CLDN16: variants seen among roughly 807,000 people sequenced by gnomAD.
The protein encoded by CLDN16 is claudin 16, also known as claudin-16.
A neutral mutation model predicts 24.6 loss-of-function variants in CLDN16; 13 were observed. The observed-to-expected ratio is 0.53, with a 90% confidence interval of 0.34 to 0.84. CLDN16 has a LOEUF of 0.84. Ranked by LOEUF, CLDN16 falls within the 40% of genes least tolerant of loss-of-function variation. The pLI, the probability that CLDN16 is intolerant of heterozygous loss-of-function variation, is 0.01. For missense variants in CLDN16, 298 were observed against 292.7 expected, an observed-to-expected ratio of 1.02 and a Z score of -0.13; for synonymous variants, 116 against 106.7, an observed-to-expected ratio of 1.09 and a Z score of -0.54.
chr3:190,339,360 C>A (rs1246607604), intron 1 of CLDN16, among the ~76,000 whole-genome samples: 2 of 152,140 alleles, frequency 1.3e-5, no homozygotes, highest in Non-Finnish European at 2.9e-5. Flanking sequence ...CCTGTGTATA[C>A]ATTATTCTTC....
At chr3:190,403,742 G>A (rs948479411) in intron 2 of CLDN16, among the ~76,000 whole-genome samples, 2 of 152,000 alleles carry the variant, frequency 1.3e-5, no homozygotes, top group African/African-American at 2.4e-5. Flanking sequence ...TAGTTCATAA[G>A]GTCTTTGTTT....
intron 2 of CLDN16, among the ~76,000 whole-genome samples, chr3:190,404,517 C>T (rs1273042385): frequency 4.6e-5 from 7 of 152,182 alleles, no homozygotes; most frequent in African/African-American, 9.7e-5. Flanking sequence ...ATGCTCTCTG[C>T]TAGCATACCA....
intron 3 of CLDN16, among the ~76,000 whole-genome samples, chr3:190,406,404 C>T (rs1277802391): frequency 3.3e-5 from 5 of 152,050 alleles, no homozygotes; most frequent in South Asian, 2.1e-4. Context: ...TAATTATTTA[C>T]GGCTATATAA....
At chr3:190,363,015 AT>A (rs1717934248) in intron 1 of CLDN16, among the ~76,000 whole-genome samples, 1 of 151,946 alleles carries the variant, frequency 6.6e-6, no homozygotes, top group East Asian at 1.9e-4. Context: ...AAATTCAAAA[AT>A]TTTTTCAAGC....
intron 2 of CLDN16, among the ~76,000 whole-genome samples, chr3:190,403,256 C>A (rs990678887): frequency 1.3e-4 from 19 of 151,796 alleles, no homozygotes; most frequent in African/African-American, 4.4e-4. Flanking sequence ...CACTTGAACC[C>A]AGAAGGCAGA....
At chr3:190,371,017 TATATA>T (rs1421874256) in intron 2 of CLDN16, 18 of 1,400 alleles carry the variant, frequency 0.013, no homozygotes, top group African/African-American at 0.043. Context: ...TTAATACCTT[TATATA>T]TATATATATA....
chr3:190,311,136 G>A, the CLDN16 span, among the ~76,000 whole-genome samples: 1 of 152,152 alleles, frequency 6.6e-6, no homozygotes, highest in Non-Finnish European at 1.5e-5. Context: ...AATAGACCAT[G>A]CGAATGGTCT....
Position 190,375,727 on chromosome 3 carries a change from G to A in CLDN16, n.306+1124G>A, listed in dbSNP as rs139557971. ...CCCCTCTATCCAGCGAGGTTTTTGT[G>A]GGTTAATGCAAAATGAGTGCCTCAC... is the stretch of plus-strand genomic sequence containing the variant. On this transcript the variant is annotated intron_variant and non_coding_transcript_variant, in intron 3 of 4. Transcript: ENST00000468220. Among the ~76,000 whole-genome samples the A allele has an allele frequency of 5.3e-5, 8 of 151,938 alleles. No individual in the cohort carries two copies. In the East Asian group the frequency reaches 1.4e-3, roughly 26 times the overall value.
chr3:190,397,899 C>A (rs1159421999), intron 1 of CLDN16, among the ~76,000 whole-genome samples: 1 of 152,208 alleles, frequency 6.6e-6, no homozygotes, highest in Non-Finnish European at 1.5e-5. Flanking sequence ...TGGAAATACT[C>A]TTATTTGTGT....
chr3:190,331,371 A>G (rs1176816483), intron 1 of CLDN16, among the ~76,000 whole-genome samples: 1 of 152,152 alleles, frequency 6.6e-6, no homozygotes, highest in Non-Finnish European at 1.5e-5. Context: ...CTTGTTTATT[A>G]TTTGCTACAG....
At chr3:190,338,460 G>T (rs1306999677) in intron 1 of CLDN16, among the ~76,000 whole-genome samples, 1 of 151,760 alleles carries the variant, frequency 6.6e-6, no homozygotes, top group Admixed American at 6.6e-5. Flanking sequence ...TGAACTGCAG[G>T]TTATCTCTTG....
intron 1 of CLDN16, among the ~76,000 whole-genome samples, chr3:190,401,471 G>GT (rs975703975): frequency 6.6e-6 from 1 of 152,180 alleles, no homozygotes; most frequent in African/African-American, 2.4e-5. Context: ...GGAAACAATT[G>GT]TATTAGCTCT....
chr3:190,308,254 G>A, the CLDN16 span: 1 of 1,613,268 alleles, frequency 6.2e-7, no homozygotes, highest in Non-Finnish European at 8.5e-7. Flanking sequence ...GTTTCAACAT[G>A]ATTTTCTCCT....
chr3:190,348,684 G>T lies in CLDN16; in HGVS notation n.122-22209G>T, dbSNP rs549824956. Among the ~76,000 whole-genome samples, 5 of 152,254 alleles carry T rather than the reference G, an allele frequency of 3.3e-5. No homozygotes were observed. The South Asian group carries it at 8.3e-4, about 25-fold the overall frequency. ...AAGAATTCATTTTTTAAGTTTTAAG[G>T]TCAGGGGTACATGTGCAGGTCTGTT... On this transcript the variant is annotated intron_variant and non_coding_transcript_variant, in intron 1 of 4. Coordinates refer to the CLDN16 transcript ENST00000468220.
rs144256254 is a variant in CLDN16, at chr3:190,357,821, G to A, written n.122-13072G>A. The stretch of plus-strand genomic sequence containing the variant: ...CTAAAGCCATCTTTGGGTCTGTATC[G>A]GTTACATTTTCTTCTCCATAATCCC... On this transcript the variant is annotated intron_variant and non_coding_transcript_variant, in intron 1 of 4. Transcript: ENST00000468220. 1.6e-3 allele frequency among the ~76,000 whole-genome samples: 249 copies of A among 151,972 alleles called. 2 individuals are homozygous for A. The highest frequency in any genetic ancestry group is 4.9e-3 in the African/African-American group (202 of 41,506).
At chr3:190,332,674 C>A (rs16865391) in intron 1 of CLDN16, among the ~76,000 whole-genome samples, 2 of 151,704 alleles carry the variant, frequency 1.3e-5, no homozygotes, top group African/African-American at 4.8e-5. Flanking sequence ...AGCACAATAT[C>A]GAGTAATACA....
chr3:190,324,555 G>A (rs1449401786), intron 1 of CLDN16, among the ~76,000 whole-genome samples: 2 of 152,130 alleles, frequency 1.3e-5, no homozygotes, highest in East Asian at 3.9e-4. Flanking sequence ...TTGTGCACAG[G>A]CCCTTTTACT....
At chr3:190,347,983 T>A (rs1717587993) in intron 1 of CLDN16, among the ~76,000 whole-genome samples, 1 of 150,948 alleles carries the variant, frequency 6.6e-6, no homozygotes, top group Admixed American at 6.6e-5. Context: ...GTGGCTCACA[T>A]CTGTAATCCC....
intron 1 of CLDN16, among the ~76,000 whole-genome samples, chr3:190,347,248 C>T (rs1365589111): frequency 6.6e-6 from 1 of 152,068 alleles, no homozygotes; most frequent in Non-Finnish European, 1.5e-5. Context: ...AGAGTAGACT[C>T]AATAACATTT....
Sources: allele counts gnomAD v4.1 joint callset (sites outside exome capture counted in the v4.1 genomes callset), GRCh38; gene constraint gnomAD v4.1.1; transcripts MANE v1.5; gene names NCBI Gene and HGNC (gene_info 2026-07-23, HGNC 2026-07-21).